SNX29: variants seen among roughly 807,000 people sequenced by gnomAD.
SNX29 encodes sorting nexin-29.
Under a neutral mutation model 102.1 loss-of-function variants are expected in SNX29, and 78 were observed. The observed-to-expected ratio is 0.76, with a 90% CI of 0.64 to 0.92. The LOEUF is 0.92. Among genes scored for constraint, SNX29 ranks in the 40% least tolerant of loss-of-function variants. The pLI is 0.00. For synonymous variants in SNX29, 580 were observed against 414.5 expected (o/e 1.40, Z -4.85); for missense variants, 1,280 against 1,061.7 (o/e 1.21, Z -2.86).
intron 16 of SNX29, among the ~76,000 whole-genome samples, chr16:12,397,020 G>A (rs2083747768): frequency 1.3e-5 from 2 of 152,182 alleles, no homozygotes; most frequent in African/African-American, 4.8e-5. Context: ...GGAGTAGGTG[G>A]AACTACAGGC....
intron 18 of SNX29, among the ~76,000 whole-genome samples, chr16:12,419,675 A>G (rs1166571929): frequency 1.3e-5 from 2 of 152,120 alleles, no homozygotes; most frequent in Middle Eastern, 3.4e-3. Flanking sequence ...TCGTCTTGGA[A>G]ATGTCCATGC....
intron 9 of SNX29, among the ~76,000 whole-genome samples, chr16:12,067,990 T>C (rs1182211733): frequency 7.0e-6 from 1 of 142,586 alleles, no homozygotes; most frequent in East Asian, 2.1e-4. Context: ...ATGCACTTAA[T>C]GCAGGGAAAA....
chr16:12,542,942 A>C lies in SNX29; in HGVS notation c.2318+18101A>C, dbSNP rs527714224. ...TAGCAAAACTATAGAGCCCTACTTC[A>C]AATTAGCTTGAAGCAGAAAAGAAGT... On this transcript the variant is annotated intron_variant, in intron 20 of 20. Coordinates refer to ENST00000566228, the MANE Select transcript of SNX29 (RefSeq NM_032167.5). Among the ~76,000 whole-genome samples the C allele has an allele frequency of 6.6e-5, 10 of 152,262 alleles. No homozygotes were observed. In the East Asian group the frequency reaches 1.9e-3, roughly 29 times the overall value.
At chr16:12,544,467 G>C (rs540051881) in intron 20 of SNX29, among the ~76,000 whole-genome samples, 1 of 152,278 alleles carries the variant, frequency 6.6e-6, no homozygotes, top group South Asian at 2.1e-4. Context: ...ATTCTGAAGA[G>C]GCCGATTTTA....
intron 16 of SNX29, among the ~76,000 whole-genome samples, chr16:12,364,161 TTGTTATGTTA>T (rs56227162): frequency 0.011 from 1,586 of 138,462 alleles, 18 homozygotes; most frequent in Non-Finnish European, 0.016. Flanking sequence ...CCTGGCTTGT[TTGTTATGTTA>T]TGTTATGTTA....
At chr16:12,526,478 C>G (rs972092630) in intron 20 of SNX29, 18 of 484,152 alleles carry the variant, frequency 3.7e-5, no homozygotes, top group South Asian at 2.8e-4. Flanking sequence ...TAAGAGGTGC[C>G]TTTTTGTCCT....
intron 19 of SNX29, among the ~76,000 whole-genome samples, chr16:12,491,030 T>C (rs1307704178): frequency 6.6e-6 from 1 of 152,244 alleles, no homozygotes; most frequent in Non-Finnish European, 1.5e-5. Context: ...TATGTAGCCT[T>C]TCACAACTGC....
intron 19 of SNX29, among the ~76,000 whole-genome samples, chr16:12,522,221 C>G (rs762329395): frequency 1.3e-5 from 2 of 152,168 alleles, no homozygotes; most frequent in Non-Finnish European, 2.9e-5. Context: ...GGAAAGGTTT[C>G]GTTGTATAGA....
intron 13 of SNX29, among the ~76,000 whole-genome samples, chr16:12,170,018 T>A (rs190388607): frequency 6.6e-6 from 1 of 152,260 alleles, no homozygotes; most frequent in African/African-American, 2.4e-5. Flanking sequence ...AGATCGGGTT[T>A]CTTGCTCTCC....
intron 16 of SNX29, among the ~76,000 whole-genome samples, chr16:12,392,827 A>C (rs2083577343): frequency 6.6e-6 from 1 of 152,172 alleles, no homozygotes; most frequent in African/African-American, 2.4e-5. Context: ...AAATGAAAAA[A>C]CTAACAGAGA....
At chr16:12,543,373 C>G (rs767733666) in intron 20 of SNX29, among the ~76,000 whole-genome samples, 7 of 152,150 alleles carry the variant, frequency 4.6e-5, no homozygotes, top group Non-Finnish European at 8.8e-5. Context: ...AGCTCATGGA[C>G]TGAACATGAT....
At chr16:12,092,951 C>T (rs958208033) in intron 11 of SNX29, among the ~76,000 whole-genome samples, 5 of 152,166 alleles carry the variant, frequency 3.3e-5, no homozygotes, top group Admixed American at 1.3e-4. Context: ...TTTTTATACC[C>T]GAGGCCAGGT....
At chr16:12,564,413 A>G (rs9929150) in intron 20 of SNX29, among the ~76,000 whole-genome samples, 39,622 of 152,094 alleles carry the variant, frequency 0.26, 5,737 homozygotes, top group East Asian at 0.44. Flanking sequence ...ATGATGTATG[A>G]TTGGCACTAT....
At chr16:12,024,420 A>G (rs2057130737) in intron 3 of SNX29, among the ~76,000 whole-genome samples, 1 of 152,162 alleles carries the variant, frequency 6.6e-6, no homozygotes, top group East Asian at 1.9e-4. Context: ...TGCTGAGATT[A>G]TAAGTGTGAG....
intron 20 of SNX29, among the ~76,000 whole-genome samples, chr16:12,563,131 A>C (rs1297657478): frequency 2.0e-5 from 3 of 152,164 alleles, no homozygotes; most frequent in Admixed American, 2.0e-4. Flanking sequence ...AAAGGTCGCC[A>C]CACGTCCTCA....
In SNX29 at chr16:12,450,478, C is replaced by G. The variant is rs550439071; in HGVS notation, c.2038-27241C>G. On this transcript the variant is annotated intron_variant, in intron 18 of 20. Transcript: ENST00000566228. ...ATCCCATTAATTGGAAAAGCTGCACCCAATCATAGGCAATGATGTGCCCAT... is the reference window on the plus strand; with the variant it reads ...ATCCCATTAATTGGAAAAGCTGCACGCAATCATAGGCAATGATGTGCCCAT... Among the ~76,000 whole-genome samples the G allele has an allele frequency of 5.9e-5, 9 of 152,280 alleles. No individual in the cohort carries two copies. In the East Asian group the frequency reaches 1.4e-3, roughly 23 times the overall value.
At chr16:12,368,987 T>C (rs1387878070) in intron 16 of SNX29, among the ~76,000 whole-genome samples, 1 of 152,186 alleles carries the variant, frequency 6.6e-6, no homozygotes, top group Non-Finnish European at 1.5e-5. Context: ...CAGGAAGGCC[T>C]GCTCTGATTG....
intron 16 of SNX29, among the ~76,000 whole-genome samples, chr16:12,373,440 C>T (rs1037437281): frequency 2.0e-5 from 3 of 152,132 alleles, no homozygotes; most frequent in Non-Finnish European, 2.9e-5. Flanking sequence ...CCCATATCCT[C>T]ATCTTTAAAT....
chr16:12,426,505 A>C (rs552370579), intron 18 of SNX29, among the ~76,000 whole-genome samples: 1 of 152,200 alleles, frequency 6.6e-6, no homozygotes, highest in Non-Finnish European at 1.5e-5. Context: ...CATCTGGTAG[A>C]ATAGAAATAT....
Sources: gnomAD v4.1 joint callset for allele counts (sites outside exome capture counted in the v4.1 genomes callset) on GRCh38, gnomAD v4.1.1 for gene constraint, MANE v1.5 for transcripts, NCBI Gene and HGNC (gene_info 2026-07-23, HGNC 2026-07-21) for gene names.